Variants in CPNE4 observed in about 807,000 individuals in gnomAD.
CPNE4 encodes copine-4.
A neutral mutation model predicts 67.9 loss-of-function variants in CPNE4; 25 were observed. The observed-to-expected ratio is 0.37, with a 90% CI of 0.27 to 0.51. The LOEUF (loss-of-function observed/expected upper bound fraction) is 0.51. Ranked by LOEUF, CPNE4 falls within the 20% of genes least tolerant of loss-of-function variation. The pLI is 0.93. For missense variants in CPNE4, 464 were observed against 690.8 expected (o/e 0.67, Z 3.68); for synonymous variants, 242 against 244.9 (o/e 0.99, Z 0.11).
chr3:131,923,712 A>C (rs2107813974), intron 1 of CPNE4, among the ~76,000 whole-genome samples: 1 of 148,616 alleles, frequency 6.7e-6, no homozygotes, highest in Non-Finnish European at 1.5e-5. Flanking sequence ...CTCAAAAAAA[A>C]AAAAAAAAAA....
chr3:131,680,554 A>G (rs1392682789), intron 6 of CPNE4, among the ~76,000 whole-genome samples: 1 of 152,094 alleles, frequency 6.6e-6, no homozygotes, highest in Non-Finnish European at 1.5e-5. Context: ...TGTAGTTAAT[A>G]TTTTTTAATT....
intron 10 of CPNE4, among the ~76,000 whole-genome samples, chr3:131,565,254 A>T (rs1463207937): frequency 6.6e-6 from 1 of 152,030 alleles, no homozygotes; most frequent in Non-Finnish European, 1.5e-5. Context: ...AAGAAGGTTA[A>T]AATAAAAGTC....
At chr3:131,858,546 G>C (rs2086545434) in intron 2 of CPNE4, among the ~76,000 whole-genome samples, 1 of 151,970 alleles carries the variant, frequency 6.6e-6, no homozygotes, top group Admixed American at 6.6e-5. Context: ...TTAGAAATTG[G>C]CATGAAAGAT....
At chr3:131,766,734 GA>G (rs200580677) in intron 2 of CPNE4, among the ~76,000 whole-genome samples, 4 of 151,660 alleles carry the variant, frequency 2.6e-5, no homozygotes, top group African/African-American at 7.3e-5. Flanking sequence ...CGTTATATTA[GA>G]AAAAAAACAG....
At chr3:131,915,887 A>C (rs183561177) in intron 1 of CPNE4, among the ~76,000 whole-genome samples, 232 of 152,326 alleles carry the variant, frequency 1.5e-3, no homozygotes, top group South Asian at 0.015. Flanking sequence ...TTTCTCCAGA[A>C]AGTAACTATG....
intron 1 of CPNE4, among the ~76,000 whole-genome samples, chr3:132,011,667 G>T (rs575718942): frequency 6.6e-6 from 1 of 152,226 alleles, no homozygotes; most frequent in South Asian, 2.1e-4. Context: ...GAGAGAATAG[G>T]GCCTCATTTC....
At chr3:131,673,603 T>C (rs1028677565) in intron 6 of CPNE4, among the ~76,000 whole-genome samples, 5 of 152,052 alleles carry the variant, frequency 3.3e-5, no homozygotes, top group Admixed American at 6.6e-5. Flanking sequence ...GGGATTATTT[T>C]CATGATTTCT....
chr3:131,904,804 T>A (rs149910216), intron 2 of CPNE4, among the ~76,000 whole-genome samples: 1 of 152,238 alleles, frequency 6.6e-6, no homozygotes, highest in African/African-American at 2.4e-5. Flanking sequence ...CACTTCTCTC[T>A]CAACCCCCTA....
intron 2 of CPNE4, among the ~76,000 whole-genome samples, chr3:131,768,549 G>C (rs990363230): frequency 6.6e-6 from 1 of 152,080 alleles, no homozygotes; most frequent in African/African-American, 2.4e-5. Flanking sequence ...CTGAGATTTT[G>C]GCTAACACTA....
intron 7 of CPNE4, among the ~76,000 whole-genome samples, chr3:131,643,466 C>T (rs1005274794): frequency 2.0e-5 from 3 of 152,142 alleles, no homozygotes; most frequent in Non-Finnish European, 2.9e-5. Context: ...AACTAACTTG[C>T]TTTTGATTTC....
At chr3:131,682,898 C>G (rs2080793490) in intron 6 of CPNE4, among the ~76,000 whole-genome samples, 1 of 152,078 alleles carries the variant, frequency 6.6e-6, no homozygotes, top group Non-Finnish European at 1.5e-5. Context: ...AGCAGAGTAG[C>G]CTCTCCCTTG....
chr3:131,929,684 C>T (rs1267294096), intron 1 of CPNE4, among the ~76,000 whole-genome samples: 6 of 152,114 alleles, frequency 3.9e-5, no homozygotes, highest in African/African-American at 9.7e-5. Flanking sequence ...AAATTCACCC[C>T]CTTCTGTGTC....
chr3:131,535,351 CA>C, intron 15 of CPNE4, 22 bp from the exon 16 acceptor site: 1 of 1,602,366 alleles, frequency 6.2e-7, no homozygotes, highest in Non-Finnish European at 8.5e-7. Flanking sequence ...AAGAAATCAT[CA>C]TGACGTTGGC....
chr3:131,537,582 C>T, intron 15 of CPNE4: 1 of 277,974 alleles, frequency 3.6e-6, no homozygotes, highest in Non-Finnish European at 7.0e-6. Flanking sequence ...CGCACCCAGC[C>T]CTGAAGACTT....
chr3:131,587,606 T>G (rs765758951), intron 7 of CPNE4, 24 bp from the exon 8 acceptor site: 1 of 1,548,610 alleles, frequency 6.5e-7, no homozygotes, highest in African/African-American at 1.4e-5. Flanking sequence ...CAATGATCTT[T>G]CTTAAAAAAT....
chr3:131,869,923 G>A (rs77431963), intron 2 of CPNE4, among the ~76,000 whole-genome samples: 3,871 of 152,240 alleles, frequency 0.025, 75 homozygotes, highest in Non-Finnish European at 0.04. Flanking sequence ...GGTGAATACA[G>A]ATAATTAATA....
intron 2 of CPNE4, among the ~76,000 whole-genome samples, chr3:131,872,547 C>A (rs961246335): frequency 6.6e-6 from 1 of 152,198 alleles, no homozygotes; most frequent in South Asian, 2.1e-4. Context: ...GAAGGGCAGT[C>A]TGCTTTACTC....
chr3:131,915,265 G>A (rs1006820392), intron 1 of CPNE4, among the ~76,000 whole-genome samples: 2 of 152,132 alleles, frequency 1.3e-5, no homozygotes, highest in Non-Finnish European at 2.9e-5. Context: ...CCATGCCAAG[G>A]CAAACTTCAA....
chr3:131,726,359 G>A (rs141776385), intron 2 of CPNE4, among the ~76,000 whole-genome samples: 78 of 152,218 alleles, frequency 5.1e-4, no homozygotes, highest in East Asian at 3.7e-3. Flanking sequence ...TTTTTTGAGC[G>A]AAATGACAAG....
Sources: gnomAD v4.1 joint callset for allele counts (sites outside exome capture counted in the v4.1 genomes callset) on GRCh38, gnomAD v4.1.1 for gene constraint, MANE v1.5 for transcripts, NCBI Gene and HGNC (gene_info 2026-07-23, HGNC 2026-07-21) for gene names.